The following METTL9 variants were observed in gnomAD, a reference collection of about 807,000 sequenced individuals.
METTL9 encodes the protein methyltransferase 9, His-X-His N1(pi)-histidine.
A neutral mutation model predicts 36.0 loss-of-function variants in METTL9; 10 were observed. The observed-to-expected ratio is 0.28, with a 90% CI of 0.17 to 0.47. The LOEUF is 0.47. Among genes scored for constraint, METTL9 ranks in the 20% least tolerant of loss-of-function variants. The pLI is 0.99. For synonymous variants in METTL9, 175 were observed against 149.7 expected (o/e 1.17, Z -1.23); for missense variants, 246 against 383.5 (o/e 0.64, Z 3.00).
intron 4 of METTL9, chr16:21,654,952 A>G: frequency 2.2e-6 from 1 of 450,976 alleles, no homozygotes; most frequent in Non-Finnish European, 4.0e-6. Context: ...AGAAGATAAC[A>G]GTGTGGGGCC....
rs1305059324 is a variant in METTL9 at position 21,656,722 on chromosome 16, A to G, written c.*1290A>G. 6.6e-6 allele frequency: 1 copy of G among 152,186 alleles called. No individual in the cohort carries two copies. The highest frequency in any genetic ancestry group is 1.5e-5 in the Non-Finnish European group (1 of 68,036). The allele number at this position is 152,186 out of a possible 1,614,324, so 9.4% of individuals were successfully genotyped here. A position where few individuals can be genotyped will look rare whatever the true frequency, so the allele number is the denominator to read the frequency against. On this transcript the variant is annotated 3_prime_UTR_variant, in exon 5 of 5. Coordinates refer to ENST00000358154, the MANE Select transcript of METTL9 (RefSeq NM_016025.5). ...GTATTCTCATTTATATGCTCATAGA[A>G]GTCATCAGATCAACACATTCACTCC...
At chr16:21,643,706 A>G in intron 4 of METTL9, 1 of 686,180 alleles carries the variant, frequency 1.5e-6, no homozygotes, top group East Asian at 2.7e-5. Context: ...TTTAAGTGAT[A>G]TACAATGAGA....
rs549951488 is a variant in METTL9 at position 21,603,388 on chromosome 16, A to G, written c.165+3490A>G. Among the ~76,000 whole-genome samples, 22 of 152,066 alleles carry G rather than the reference A, an allele frequency of 1.4e-4. 1 individual carries two copies. In the South Asian group the frequency reaches 3.7e-3, roughly 26 times the overall value. ...TCCTGGCCTCAAGTGATCTTCCCAC[A>G]TCGGCTTCCCAAAGTGCTGGAATTA... On this transcript the variant is annotated intron_variant, in intron 1 of 4. Transcript: ENST00000358154.
intron 1 of METTL9, among the ~76,000 whole-genome samples, chr16:21,606,635 A>T (rs1965295906): frequency 6.6e-6 from 1 of 152,140 alleles, no homozygotes; most frequent in Non-Finnish European, 1.5e-5. Flanking sequence ...CCTTATACCC[A>T]CATCCTGGTC....
chr16:21,606,481 C>T (rs1965292606), intron 1 of METTL9, among the ~76,000 whole-genome samples: 1 of 151,942 alleles, frequency 6.6e-6, no homozygotes, highest in African/African-American at 2.4e-5. Flanking sequence ...GATGAGCCAC[C>T]CAACCATCAT....
intron 3 of METTL9, among the ~76,000 whole-genome samples, chr16:21,621,453 G>A (rs1192881320): frequency 6.6e-6 from 1 of 151,976 alleles, no homozygotes; most frequent in Non-Finnish European, 1.5e-5. Flanking sequence ...AGCCTCCCAA[G>A]TAGCTGGGAT....
chr16:21,642,977 A>T, intron 4 of METTL9: 1 of 754,216 alleles, frequency 1.3e-6, no homozygotes, highest in Non-Finnish European at 2.3e-6. Context: ...GACTCTTCTG[A>T]AGGAAAACAT....
upstream of METTL9, among the ~76,000 whole-genome samples, chr16:21,598,736 GCT>G (rs1965012182): frequency 1.7e-4 from 26 of 152,150 alleles, no homozygotes; most frequent in Admixed American, 1.7e-3. Flanking sequence ...TGCTCCCAGA[GCT>G]GAGTTCACTC....
chr16:21,613,168 C>CTTTTTTTTT lies in METTL9; in HGVS notation c.356+361_356+369dup, dbSNP rs57388340. On this transcript the variant is annotated intron_variant, in intron 2 of 4. Coordinates refer to ENST00000358154, the MANE Select transcript of METTL9 (RefSeq NM_016025.5). Reference sequence around the variant, plus strand: ...ATCAGGGGCTAGGTCTGAGAGTCTGCTTTTTTTTTTTTTTTTTTTTTTTTT... The same window carrying CTTTTTTTTT: ...ATCAGGGGCTAGGTCTGAGAGTCTGCTTTTTTTTTTTTTTTTTTTTTTTTTTTTTTTTTT... Among the ~76,000 whole-genome samples, 93 of 91,408 alleles carry CTTTTTTTTT rather than the reference C, an allele frequency of 1.0e-3. 14 individuals are homozygous for CTTTTTTTTT. The highest frequency in any genetic ancestry group is 3.4e-3 in the Admixed American group (28 of 8,122). The allele number at this position is 91,408 out of a possible 152,430, so 60.0% of individuals were successfully genotyped here. A position where few individuals can be genotyped will look rare whatever the true frequency, so the allele number is the denominator to read the frequency against.
chr16:21,622,141 C>CTTTTGTTTTTTTTTT (rs1965715367), intron 3 of METTL9, among the ~76,000 whole-genome samples: 1 of 34,922 alleles, frequency 2.9e-5, no homozygotes, highest in Non-Finnish European at 4.6e-5. Context: ...CATGCCTGGC[C>CTTTTGTTTTTTTTTT]TTTTTTTTTT....
intron 1 of METTL9, among the ~76,000 whole-genome samples, chr16:21,601,469 A>G (rs1165896543): frequency 6.6e-6 from 1 of 152,196 alleles, no homozygotes; most frequent in African/African-American, 2.4e-5. Flanking sequence ...TATTTATAAC[A>G]CTTATCATGA....
chr16:21,627,351 TG>T lies in METTL9; in HGVS notation c.751+2238del. The T allele has an allele frequency of 6.1e-6, 6 of 985,284 alleles. No individual in the cohort carries two copies. The South Asian group carries it at 2.8e-4, about 46-fold the overall frequency. The allele number at this position is 985,284 out of a possible 1,614,324, so 61.0% of individuals were successfully genotyped here. A position where few individuals can be genotyped will look rare whatever the true frequency, so the allele number is the denominator to read the frequency against. ...GAAATGATTACTTAGGTAATTGTTT[TG>T]GTAAATGGCTTGAAGTTGAACCACA... On this transcript the variant is annotated intron_variant, in intron 4 of 4. Transcript: ENST00000358154.
intron 1 of METTL9, among the ~76,000 whole-genome samples, chr16:21,606,997 AATTGC>A (rs1965307544): frequency 6.6e-6 from 1 of 152,204 alleles, no homozygotes; most frequent in African/African-American, 2.4e-5. Flanking sequence ...TTTATAGGAA[AATTGC>A]ATTCCTACTT....
At chr16:21,632,254 A>G (rs1965981540) in intron 4 of METTL9, among the ~76,000 whole-genome samples, 1 of 152,222 alleles carries the variant, frequency 6.6e-6, no homozygotes, top group Non-Finnish European at 1.5e-5. Context: ...ACATAAGCAT[A>G]CTTGCTATCT....
intron 4 of METTL9, among the ~76,000 whole-genome samples, chr16:21,630,157 C>T (rs1480056669): frequency 6.6e-6 from 1 of 152,246 alleles, no homozygotes; most frequent in East Asian, 1.9e-4. Flanking sequence ...GCTGGCTTCA[C>T]CTCTCAATGG....
chr16:21,622,560 A>T (rs79961744), intron 3 of METTL9, among the ~76,000 whole-genome samples: 2,010 of 152,298 alleles, frequency 0.013, 30 homozygotes, highest in Non-Finnish European at 0.022. Context: ...GTTTTAGAAA[A>T]AGGAAAATTC....
chr16:21,647,468 G>C, intron 4 of METTL9: 1 of 1,613,722 alleles, frequency 6.2e-7, no homozygotes, highest in Non-Finnish European at 8.5e-7. Context: ...TTGTGTGACA[G>C]AGAGAGTACA....
In METTL9 at chr16:21,599,612, G is replaced by A; in HGVS notation, c.-122G>A. ...CCAGCCTTTGCCCTGAAGGGGGCTG[G>A]ATGGGCAAGGCGGCCGCGATGGCTC... On this transcript the variant is annotated 5_prime_UTR_variant, in exon 1 of 5. Transcript: ENST00000358154. The surrounding 1 kb of genome is among the most constrained non-coding windows in gnomAD (Gnocchi z 4.4). 2.3e-6 allele frequency: 3 copies of A among 1,329,984 alleles called. No homozygotes were observed. In the South Asian group the frequency reaches 5.9e-5, roughly 26 times the overall value. 82.4% of individuals were successfully genotyped at this position (1,329,984 alleles called of 1,614,324 possible).
intron 1 of METTL9, among the ~76,000 whole-genome samples, chr16:21,609,135 G>A (rs1965362480): frequency 6.6e-6 from 1 of 152,120 alleles, no homozygotes; most frequent in South Asian, 2.1e-4. Flanking sequence ...CAATTTTGTG[G>A]TGAGTGGGTA....
Sources: allele counts gnomAD v4.1 joint callset (sites outside exome capture counted in the v4.1 genomes callset), GRCh38; gene constraint gnomAD v4.1.1; non-coding constraint Gnocchi (gnomAD v3.1); transcripts MANE v1.5; gene names NCBI Gene and HGNC (gene_info 2026-07-23, HGNC 2026-07-21).